The following PCDHGA3 variants were observed in gnomAD, a reference collection of about 807,000 sequenced individuals.
PCDHGA3 encodes the protein protocadherin gamma-A3.
Under a neutral mutation model 58.5 loss-of-function variants are expected in PCDHGA3, and 40 were observed. That is an observed-to-expected ratio of 0.68 (90% CI 0.53 to 0.89). PCDHGA3 has a LOEUF of 0.89. PCDHGA3 is among the 40% of genes least tolerant of loss of function. The pLI is 0.00. For synonymous variants in PCDHGA3, 530 were observed against 525.7 expected (o/e 1.01, Z -0.11); for missense variants, 1,223 against 1,195.9 (o/e 1.02, Z -0.33).
intron 1 of PCDHGA3, chr5:141,388,705 A>G: frequency 6.2e-7 from 1 of 1,613,994 alleles, no homozygotes; most frequent in African/African-American, 1.3e-5. Flanking sequence ...GAGGGTGTCA[A>G]TGCCGAGATT....
At chr5:141,365,624 C>A in intron 1 of PCDHGA3, 1 of 1,613,680 alleles carries the variant, frequency 6.2e-7, no homozygotes, top group Non-Finnish European at 8.5e-7. Context: ...AACCCCGCCC[C>A]TCTCTACAGA....
intron 1 of PCDHGA3, among the ~76,000 whole-genome samples, chr5:141,406,591 A>T (rs559975786): frequency 6.6e-6 from 1 of 152,164 alleles, no homozygotes; most frequent in African/African-American, 2.4e-5. Flanking sequence ...TTTCCCTTTA[A>T]TGGTGAAAGT....
Position 141,432,254 on chromosome 5 carries a change from G to A in PCDHGA3, c.2425-62553G>A, listed in dbSNP as rs935437220. 6.2e-7 allele frequency: 1 copy of A among 1,614,242 alleles called. No homozygotes were observed. The highest frequency in any genetic ancestry group is 8.5e-7 in the Non-Finnish European group (1 of 1,180,050). ...CCTGGCTGAGAACACCATCCAAGGG[G>A]CAAGCCTATCGTCCTACGTGTCCAT... On this transcript the variant is annotated intron_variant, in intron 1 of 3. Transcript: ENST00000253812. The surrounding 1 kb of genome is among the most constrained non-coding windows in gnomAD (Gnocchi z 6.0).
chr5:141,375,290 C>T (rs763674664), intron 1 of PCDHGA3: 14 of 1,613,672 alleles, frequency 8.7e-6, no homozygotes, highest in African/African-American at 2.7e-5. Flanking sequence ...CAATTATTAT[C>T]GATTAGTGAC....
intron 1 of PCDHGA3, chr5:141,408,785 T>C: frequency 6.2e-7 from 1 of 1,612,308 alleles, no homozygotes; most frequent in Non-Finnish European, 8.5e-7. Context: ...CCCAGAGTTA[T>C]CTCTGGAGAA....
At position 141,404,352 on chromosome 5, in the gene PCDHGA3, G is replaced by A. The variant is rs1378093484; in HGVS notation, c.2424+57895G>A. 1.7e-5 allele frequency: 27 copies of A among 1,613,812 alleles called. No individual in the cohort carries two copies. The South Asian group carries it at 2.9e-4, about 17-fold the overall frequency. On this transcript the variant is annotated intron_variant, in intron 1 of 3. Coordinates refer to ENST00000253812, the MANE Select transcript of PCDHGA3 (RefSeq NM_018916.4). ...GTCTACCTCCCGGAAAACAACGCCAGAGGTACTTCCATCTTCTCCGTGATT... is the reference window on the plus strand; with the variant it reads ...GTCTACCTCCCGGAAAACAACGCCAAAGGTACTTCCATCTTCTCCGTGATT...
At chr5:141,410,004 ACGCCTGGCTGTC>A in intron 1 of PCDHGA3, 1 of 1,613,154 alleles carries the variant, frequency 6.2e-7, no homozygotes, top group Non-Finnish European at 8.5e-7. Flanking sequence ...TCGGGACACA[ACGCCTGGCTGTC>A]CTACCACGTG....
chr5:141,463,438 CTTTTTTT>C (rs71576115), intron 1 of PCDHGA3, among the ~76,000 whole-genome samples: 1 of 103,252 alleles, frequency 9.7e-6, no homozygotes, highest in Non-Finnish European at 1.9e-5. Flanking sequence ...TTTCCTTCTC[CTTTTTTT>C]TTTTTTTTTT....
At chr5:141,384,927 C>A in intron 1 of PCDHGA3, 1 of 1,614,014 alleles carries the variant, frequency 6.2e-7, no homozygotes, top group Non-Finnish European at 8.5e-7. Flanking sequence ...CCGACCTGGG[C>A]AGCCTTGAGC....
chr5:141,374,994 C>T, intron 1 of PCDHGA3: 1 of 1,614,038 alleles, frequency 6.2e-7, no homozygotes, highest in Non-Finnish European at 8.5e-7. Context: ...ATTTCAACTT[C>T]TGCAAATCTA....
chr5:141,429,387 T>TTAA (rs775632416), intron 1 of PCDHGA3, among the ~76,000 whole-genome samples: 1 of 151,334 alleles, frequency 6.6e-6, no homozygotes, highest in Non-Finnish European at 1.5e-5. Flanking sequence ...GTTTTTTTTT[T>TTAA]AAAAAAAATT....
At position 141,485,142 on chromosome 5, in the gene PCDHGA3, A is replaced by C. The variant is rs979255582; in HGVS notation, c.2425-9665A>C. 5 of 1,554,566 alleles carry C rather than the reference A, an allele frequency of 3.2e-6. No homozygotes were observed. The highest frequency in any genetic ancestry group is 3.5e-6 in the Non-Finnish European group (4 of 1,131,592). On this transcript the variant is annotated intron_variant, in intron 1 of 3. Transcript: ENST00000253812. The surrounding 1 kb of genome is among the most constrained non-coding windows in gnomAD (Gnocchi z 5.7). ...GGCGGGTCGGCTTCATCCGCGTCTC[A>C]GGAGCAAGTAGAGAATTAGCGGGCG... is the stretch of plus-strand genomic sequence containing the variant.
intron 1 of PCDHGA3, chr5:141,399,389 C>G: frequency 1.2e-6 from 2 of 1,614,024 alleles, no homozygotes; most frequent in East Asian, 2.2e-5. Flanking sequence ...ATCACAGCCA[C>G]AGACAGGGGC....
intron 1 of PCDHGA3, chr5:141,394,332 A>T (rs1270394666): frequency 1.9e-6 from 3 of 1,614,010 alleles, no homozygotes; most frequent in Non-Finnish European, 2.5e-6. Flanking sequence ...GTATATCTCC[A>T]TCAACTCTGA....
chr5:141,376,208 A>G, intron 1 of PCDHGA3: 1 of 1,614,128 alleles, frequency 6.2e-7, no homozygotes, highest in Non-Finnish European at 8.5e-7. Context: ...GGCCTTCGTC[A>G]TCGTGCTGCT....
chr5:141,505,590 A>G, intron 3 of PCDHGA3, 109 bp downstream of exon 3: 1 of 1,571,996 alleles, frequency 6.4e-7, no homozygotes, highest in East Asian at 2.3e-5. Context: ...TAGTTTCTCC[A>G]GATCTTTCGG....
At chr5:141,409,324 G>C (rs759596277) in intron 1 of PCDHGA3, 1 of 1,614,000 alleles carries the variant, frequency 6.2e-7, no homozygotes, top group East Asian at 2.2e-5. Context: ...CACGGGATCT[G>C]GATTTCGGAG....
Position 141,486,544 on chromosome 5 carries a change from G to C in PCDHGA3, c.2425-8263G>C, listed in dbSNP as rs1376583724. Reference sequence around the variant, plus strand: ...ATGATAATCCACCCTCTTTCTTTCAGAGGTCACATGAGGTGTTTGTTCCTG... The same window carrying C: ...ATGATAATCCACCCTCTTTCTTTCACAGGTCACATGAGGTGTTTGTTCCTG... On this transcript the variant is annotated intron_variant, in intron 1 of 3. Coordinates refer to ENST00000253812, the MANE Select transcript of PCDHGA3 (RefSeq NM_018916.4). The surrounding 1 kb of genome is among the most constrained non-coding windows in gnomAD (Gnocchi z 5.0). The C allele has an allele frequency of 6.2e-7, 1 of 1,613,964 alleles. No homozygotes were observed. The highest frequency in any genetic ancestry group is 1.3e-5 in the African/African-American group (1 of 74,932).
intron 1 of PCDHGA3, chr5:141,394,518 A>C (rs1256235757): frequency 6.2e-7 from 1 of 1,614,094 alleles, no homozygotes; most frequent in Non-Finnish European, 8.5e-7. Flanking sequence ...CGCCCTCCCC[A>C]CAGACGGTTC....
Sources: gnomAD v4.1 joint callset for allele counts (sites outside exome capture counted in the v4.1 genomes callset) on GRCh38, gnomAD v4.1.1 for gene constraint, Gnocchi (gnomAD v3.1) non-coding constraint, MANE v1.5 for transcripts, NCBI Gene and HGNC (gene_info 2026-07-23, HGNC 2026-07-21) for gene names.